OPCML: variants seen among roughly 807,000 people sequenced by gnomAD.
The protein encoded by OPCML is opioid binding protein/cell adhesion molecule like, also known as opioid-binding protein/cell adhesion molecule.
OPCML carries 13 observed loss-of-function variants against 37.8 expected under a neutral mutation model. That is an observed-to-expected ratio of 0.34 (90% CI 0.22 to 0.55). The LOEUF (loss-of-function observed/expected upper bound fraction) is 0.55. Among genes scored for constraint, OPCML ranks in the 20% least tolerant of loss-of-function variants. OPCML has a pLI of 0.91. For synonymous variants in OPCML, 176 were observed against 168.8 expected (o/e 1.04, Z -0.33); for missense variants, 341 against 435.6 (o/e 0.78, Z 1.93).
chr11:132,666,302 AAG>A (rs1942214670), intron 2 of OPCML, among the ~76,000 whole-genome samples: 1 of 152,162 alleles, frequency 6.6e-6, no homozygotes, highest in African/African-American at 2.4e-5. Context: ...ATCACATGGC[AAG>A]AGAGGGAGCA....
At chr11:132,695,074 A>G (rs555407647) in intron 2 of OPCML, among the ~76,000 whole-genome samples, 1 of 152,336 alleles carries the variant, frequency 6.6e-6, no homozygotes, top group African/African-American at 2.4e-5. Context: ...TTGCAGCCAA[A>G]TACAACCTCA....
At chr11:133,380,382 T>G (rs1182627446) in intron 1 of OPCML, among the ~76,000 whole-genome samples, 1 of 152,166 alleles carries the variant, frequency 6.6e-6, no homozygotes. Flanking sequence ...TTTAAAAAAA[T>G]TTTCCTAACT....
chr11:132,557,688 T>C (rs2096398971), intron 3 of OPCML, among the ~76,000 whole-genome samples: 1 of 152,200 alleles, frequency 6.6e-6, no homozygotes, highest in Non-Finnish European at 1.5e-5. Context: ...AGCACTTCCC[T>C]ATATTCTAGG....
intron 1 of OPCML, among the ~76,000 whole-genome samples, chr11:133,129,016 A>G (rs2137132795): frequency 6.6e-6 from 1 of 152,292 alleles, no homozygotes; most frequent in South Asian, 2.1e-4. Flanking sequence ...GGTCCGCGAG[A>G]GCTGGAAAAC....
intron 1 of OPCML, among the ~76,000 whole-genome samples, chr11:133,525,081 G>A (rs1464453935): frequency 1.3e-5 from 2 of 152,206 alleles, no homozygotes; most frequent in Non-Finnish European, 2.9e-5. Context: ...CAATGGTCTA[G>A]GGAGGAAAGA....
intron 3 of OPCML, among the ~76,000 whole-genome samples, chr11:132,613,594 C>G (rs1316000711): frequency 6.6e-6 from 1 of 152,148 alleles, no homozygotes; most frequent in Non-Finnish European, 1.5e-5. Flanking sequence ...TCGTTCTTCC[C>G]CATTCCTTGT....
At chr11:133,319,064 C>T (rs547817905) in intron 1 of OPCML, among the ~76,000 whole-genome samples, 7 of 152,148 alleles carry the variant, frequency 4.6e-5, no homozygotes, top group Admixed American at 2.0e-4. Context: ...CATGAGGCCA[C>T]GCAGCTAATA....
chr11:132,909,528 C>A (rs375732251), intron 2 of OPCML, among the ~76,000 whole-genome samples: 8 of 152,188 alleles, frequency 5.3e-5, no homozygotes, highest in Admixed American at 5.2e-4. Context: ...GCCCTTCTAC[C>A]GCTGCCATCT....
intron 4 of OPCML, among the ~76,000 whole-genome samples, chr11:132,525,606 C>G (rs906529612): frequency 6.6e-6 from 1 of 152,160 alleles, no homozygotes; most frequent in African/African-American, 2.4e-5. Context: ...TCCCTAATTG[C>G]AAGTGAGAAG....
intron 2 of OPCML, among the ~76,000 whole-genome samples, chr11:132,900,828 G>T (rs1267773281): frequency 1.3e-5 from 2 of 152,168 alleles, no homozygotes; most frequent in Non-Finnish European, 2.9e-5. Context: ...GCAACAGGCA[G>T]TTCTAGGTGG....
chr11:133,317,193 T>C (rs1330162156), intron 1 of OPCML, among the ~76,000 whole-genome samples: 1 of 152,168 alleles, frequency 6.6e-6, no homozygotes, highest in Non-Finnish European at 1.5e-5. Context: ...CGAGATGCTA[T>C]GTCAAAAAAT....
intron 1 of OPCML, among the ~76,000 whole-genome samples, chr11:133,349,427 T>C (rs892029888): frequency 6.6e-6 from 1 of 152,190 alleles, no homozygotes; most frequent in African/African-American, 2.4e-5. Context: ...CTGAACCAGG[T>C]AGTTCCATTT....
intron 2 of OPCML, among the ~76,000 whole-genome samples, chr11:132,937,998 T>G (rs571014287): frequency 1.5e-4 from 23 of 151,864 alleles, no homozygotes; most frequent in Non-Finnish European, 3.1e-4. Flanking sequence ...GTGATTTGAG[T>G]GGAATCCAAA....
chr11:132,551,015 C>T (rs563551100), intron 3 of OPCML, among the ~76,000 whole-genome samples: 1 of 152,228 alleles, frequency 6.6e-6, no homozygotes, highest in Non-Finnish European at 1.5e-5. Context: ...TAAAGCACCA[C>T]TGAATTTCCA....
rs538974424 is a variant in OPCML, at chr11:133,507,188, G to A, written c.61+25076C>T. 1.3e-4 allele frequency among the ~76,000 whole-genome samples: 20 copies of A among 152,300 alleles called. No homozygotes were observed. In the East Asian group the frequency reaches 1.4e-3, roughly 10 times the overall value. On this transcript the variant is annotated intron_variant, in intron 1 of 7. Transcript: ENST00000524381. Reference sequence around the variant, plus strand: ...ACCCTGTGGACTGGGCTAAGTCTTCGTGAAGAGGGCCCCAGCAAAGCCTGA... The same window carrying A: ...ACCCTGTGGACTGGGCTAAGTCTTCATGAAGAGGGCCCCAGCAAAGCCTGA...
intron 2 of OPCML, among the ~76,000 whole-genome samples, chr11:132,841,852 C>G (rs1488827405): frequency 3.3e-5 from 3 of 91,584 alleles, no homozygotes; most frequent in African/African-American, 1.3e-4. Flanking sequence ...CAGAATGACA[C>G]TCTATCTCAA....
At position 133,262,746 on chromosome 11, in the gene OPCML, C is replaced by T. The variant is rs969750577; in HGVS notation, c.61+269518G>A. Among the ~76,000 whole-genome samples the T allele has an allele frequency of 2.0e-5, 3 of 152,052 alleles. No individual in the cohort carries two copies. The South Asian group carries it at 6.2e-4, about 32-fold the overall frequency. On this transcript the variant is annotated intron_variant, in intron 1 of 7. Transcript: ENST00000524381. ...TACCCTGACTGTGGAGTGGGAATGA[C>T]ATATGCAGAGTATTAGAGGGTCATT...
intron 7 of OPCML, among the ~76,000 whole-genome samples, chr11:132,422,705 A>T (rs2095963944): frequency 6.6e-6 from 1 of 152,232 alleles, no homozygotes; most frequent in Non-Finnish European, 1.5e-5. Context: ...GGAACAGAGC[A>T]GTTAGACATC....
At chr11:132,900,311 T>C (rs1944007696) in intron 2 of OPCML, among the ~76,000 whole-genome samples, 1 of 152,282 alleles carries the variant, frequency 6.6e-6, no homozygotes, top group African/African-American at 2.4e-5. Context: ...ACTCTTTTCT[T>C]CCTCTGATAT....
Sources: gnomAD v4.1 joint callset for allele counts (sites outside exome capture counted in the v4.1 genomes callset) on GRCh38, gnomAD v4.1.1 for gene constraint, MANE v1.5 for transcripts, NCBI Gene and HGNC (gene_info 2026-07-23, HGNC 2026-07-21) for gene names.